NXPE2: variants seen among roughly 807,000 people sequenced by gnomAD.
NXPE2 encodes the protein neurexophilin and PC-esterase domain family member 2.
Under a neutral mutation model 34.4 loss-of-function variants are expected in NXPE2, and 34 were observed. The ratio of observed to expected loss-of-function variants is 0.99; its 90% CI spans 0.75 to 1.31. The LOEUF is 1.31. Among genes scored for constraint, NXPE2 ranks in the 40% most tolerant of loss-of-function variants. The pLI is 0.00. For synonymous variants in NXPE2, 235 were observed against 231.3 expected (o/e 1.02, Z -0.15); for missense variants, 649 against 672.5 (o/e 0.97, Z 0.39).
At chr11:114,811,533 A>G in the NXPE2 span, among the ~76,000 whole-genome samples, 2 of 152,172 alleles carry the variant, frequency 1.3e-5, no homozygotes, top group Non-Finnish European at 2.9e-5. Flanking sequence ...CCAAGCATGC[A>G]AAATAGACGG....
Position 114,705,685 on chromosome 11 carries a change from A to G in NXPE2, c.929-96A>G, listed in dbSNP as rs973642101. On this transcript the variant is annotated intron_variant, in intron 4 of 5. Transcript: ENST00000389586. The stretch of plus-strand genomic sequence containing the variant: ...AAAATAGAGCTGAAGAGAAAGGGGG[A>G]GGAAAAAGAGGAAAAGGAAGGCAAA... 6 of 633,154 alleles carry G rather than the reference A, an allele frequency of 9.5e-6. No individual in the cohort carries two copies. The East Asian group carries it at 1.3e-4, about 13-fold the overall frequency. 39.2% of individuals were successfully genotyped at this position (633,154 alleles called of 1,614,324 possible).
chr11:114,579,992 C>T, the NXPE2 span: 1 of 699,418 alleles, frequency 1.4e-6, no homozygotes, highest in Non-Finnish European at 2.5e-6. Flanking sequence ...GGAAGGATAA[C>T]AATGCCTTGT....
chr11:114,696,340 C>CAAAAAAAAAAAAAAA (rs773266644), intron 2 of NXPE2, among the ~76,000 whole-genome samples: 162 of 63,920 alleles, frequency 2.5e-3, no homozygotes, highest in Middle Eastern at 0.019. Context: ...TCAAAAAAAC[C>CAAAAAAAAAAAAAAA]AAAAAAAAAA....
chr11:114,631,683 A>C, the NXPE2 span, among the ~76,000 whole-genome samples: 4 of 151,858 alleles, frequency 2.6e-5, no homozygotes, highest in East Asian at 3.9e-4. Context: ...ATATAAAAAA[A>C]GTATTGCCTC....
At chr11:114,496,080 A>C in the NXPE2 span, among the ~76,000 whole-genome samples, 1 of 152,156 alleles carries the variant, frequency 6.6e-6, no homozygotes, top group East Asian at 1.9e-4. Context: ...TAGCACCAGG[A>C]CTTGCCCAGG....
the NXPE2 span, among the ~76,000 whole-genome samples, chr11:114,649,749 C>T: frequency 6.6e-6 from 1 of 152,132 alleles, no homozygotes; most frequent in Non-Finnish European, 1.5e-5. Context: ...AATCCAATTG[C>T]CTTTTTTGAC....
chr11:114,503,946 A>G, the NXPE2 span, among the ~76,000 whole-genome samples: 1 of 152,178 alleles, frequency 6.6e-6, no homozygotes, highest in Admixed American at 6.5e-5. Flanking sequence ...TTGCCTGCTT[A>G]CAGGGCAGTC....
chr11:114,791,692 G>T, the NXPE2 span, among the ~76,000 whole-genome samples: 1 of 152,196 alleles, frequency 6.6e-6, no homozygotes, highest in Non-Finnish European at 1.5e-5. Context: ...CAGATGAGTT[G>T]CCACCAAGGG....
At chr11:114,505,771 C>T in the NXPE2 span, among the ~76,000 whole-genome samples, 1 of 152,116 alleles carries the variant, frequency 6.6e-6, no homozygotes, top group East Asian at 1.9e-4. Context: ...AAAAAACACA[C>T]TGAAGTACAC....
the NXPE2 span, among the ~76,000 whole-genome samples, chr11:114,655,395 G>A: frequency 6.6e-6 from 1 of 152,008 alleles, no homozygotes; most frequent in African/African-American, 2.4e-5. Flanking sequence ...ATGAAGTCTT[G>A]GATCATGCCT....
the NXPE2 span, chr11:114,523,118 T>C: frequency 6.5e-7 from 1 of 1,545,492 alleles, no homozygotes; most frequent in South Asian, 1.1e-5. Context: ...TCGTAAATGA[T>C]TTTATTGGCA....
chr11:114,627,210 A>C, the NXPE2 span, among the ~76,000 whole-genome samples: 1 of 152,172 alleles, frequency 6.6e-6, no homozygotes, highest in South Asian at 2.1e-4. Flanking sequence ...CCCAAGACAC[A>C]TAATTGTCAG....
chr11:114,532,490 A>G, the NXPE2 span, among the ~76,000 whole-genome samples: 2 of 152,206 alleles, frequency 1.3e-5, no homozygotes, highest in East Asian at 1.9e-4. Context: ...CATCATGATG[A>G]TAAACCTTTT....
the NXPE2 span, among the ~76,000 whole-genome samples, chr11:114,506,259 T>C: frequency 6.6e-6 from 1 of 152,104 alleles, no homozygotes; most frequent in Non-Finnish European, 1.5e-5. Flanking sequence ...TCAAAGAGAC[T>C]TAGACTCTCA....
intron 2 of NXPE2, among the ~76,000 whole-genome samples, chr11:114,686,863 T>C (rs1026930121): frequency 2.0e-5 from 3 of 152,168 alleles, no homozygotes; most frequent in Admixed American, 2.0e-4. Context: ...ATATCTTTAA[T>C]TACTAGTGAT....
the NXPE2 span, among the ~76,000 whole-genome samples, chr11:114,748,440 G>T: frequency 2.0e-5 from 3 of 152,182 alleles, no homozygotes; most frequent in East Asian, 1.9e-4. Flanking sequence ...TACAGCAAAA[G>T]AATTCAATTT....
At chr11:114,535,734 A>C in the NXPE2 span, among the ~76,000 whole-genome samples, 1 of 152,208 alleles carries the variant, frequency 6.6e-6, no homozygotes, top group African/African-American at 2.4e-5. Context: ...AGAACTAGCT[A>C]TCCTAAATAT....
the NXPE2 span, among the ~76,000 whole-genome samples, chr11:114,485,383 CTTTTTTTTTTTTTT>C: frequency 1.1e-4 from 10 of 89,222 alleles, no homozygotes; most frequent in East Asian, 3.8e-3. Flanking sequence ...TAATTTTTGT[CTTTTTTTTTTTTTT>C]TTTTTTTTTT....
chr11:114,711,680 C>G (rs1859617066), downstream of NXPE2, among the ~76,000 whole-genome samples: 1 of 152,126 alleles, frequency 6.6e-6, no homozygotes, highest in Admixed American at 6.5e-5. Flanking sequence ...ATCATACTAT[C>G]CAAAGCAATC....
Sources: allele counts gnomAD v4.1 joint callset (sites outside exome capture counted in the v4.1 genomes callset), GRCh38; gene constraint gnomAD v4.1.1; transcripts MANE v1.5; gene names NCBI Gene and HGNC (gene_info 2026-07-23, HGNC 2026-07-21).